KLF12: variants seen among roughly 807,000 people sequenced by gnomAD.
The protein encoded by KLF12 is KLF transcription factor 12, also known as Krueppel-like factor 12.
KLF12 carries 9 observed loss-of-function variants against 37.8 expected under a neutral mutation model. That is an observed-to-expected ratio of 0.24 (90% CI 0.14 to 0.42). The LOEUF is 0.42. Among genes scored for constraint, KLF12 ranks in the 10% least tolerant of loss-of-function variants. The probability of loss-of-function intolerance (pLI) is 1.00; values close to 1 mark genes in which losing one functional copy is unlikely to be tolerated. For synonymous variants in KLF12, 208 were observed against 202.1 expected, an observed-to-expected ratio of 1.03 and a Z score of -0.25; for missense variants, 411 against 516.0, an observed-to-expected ratio of 0.80 and a Z score of 1.97.
At chr13:74,116,397 G>C (rs1292330348) in intron 1 of KLF12, among the ~76,000 whole-genome samples, 1 of 152,192 alleles carries the variant, frequency 6.6e-6, no homozygotes, top group African/African-American at 2.4e-5. Flanking sequence ...ACGTGGCCAT[G>C]AACATTTTAC....
rs117813261 is a variant in KLF12 at position 73,754,273 on chromosome 13, T to C, written c.869+10665A>G. On this transcript the variant is annotated intron_variant, in intron 6 of 7. Transcript: ENST00000377669. ...TTTTTTAAAATGTTAGGGCTACATC[T>C]AATCAATTCCTAACACTCAAAATGA... 2.4e-3 allele frequency among the ~76,000 whole-genome samples: 362 copies of C among 152,290 alleles called. 1 individual carries two copies. The highest frequency in any genetic ancestry group is 4.0e-3 in the Non-Finnish European group (270 of 68,016).
rs529151380 is a variant in KLF12, at chr13:73,826,016, A to C, written c.671-12729T>G. Among the ~76,000 whole-genome samples the C allele has an allele frequency of 2.5e-4, 38 of 151,818 alleles. No homozygotes were observed. The South Asian group carries it at 7.7e-3, about 31-fold the overall frequency. ...GAGATGGAGTCTCGCTCTGTTGCCCAGGCTGGAGTGCATTGGGACGATCTC... is the reference window on the plus strand; with the variant it reads ...GAGATGGAGTCTCGCTCTGTTGCCCCGGCTGGAGTGCATTGGGACGATCTC... On this transcript the variant is annotated intron_variant, in intron 4 of 7. Transcript: ENST00000377669.
chr13:74,036,387 A>G (rs1366046608), intron 1 of KLF12, among the ~76,000 whole-genome samples: 2 of 152,192 alleles, frequency 1.3e-5, no homozygotes, highest in African/African-American at 4.8e-5. Flanking sequence ...GTACCAAAAA[A>G]ATGAAAAACA....
At chr13:73,892,839 T>G (rs1887575963) in intron 3 of KLF12, among the ~76,000 whole-genome samples, 1 of 152,204 alleles carries the variant, frequency 6.6e-6, no homozygotes, top group South Asian at 2.1e-4. Context: ...TTTGCTTATA[T>G]TTGTGGGAAT....
At chr13:74,181,711 A>C in the KLF12 span, among the ~76,000 whole-genome samples, 1,520 of 138,460 alleles carry the variant, frequency 0.011, 28 homozygotes, top group African/African-American at 0.047. Context: ...GAAAAAAAAA[A>C]CAAAAAAAAA....
At chr13:74,265,061 T>C in the KLF12 span, among the ~76,000 whole-genome samples, 1 of 152,372 alleles carries the variant, frequency 6.6e-6, no homozygotes, top group Non-Finnish European at 1.5e-5. Flanking sequence ...GAATCTCATC[T>C]ACTTCCTAAC....
intron 2 of KLF12, among the ~76,000 whole-genome samples, chr13:73,966,464 T>C (rs757863657): frequency 2.6e-5 from 4 of 152,190 alleles, no homozygotes; most frequent in South Asian, 2.1e-4. Flanking sequence ...ACAAGTGTGA[T>C]TGTGAGGCCC....
chr13:73,990,875 T>C (rs1891950845), intron 2 of KLF12, among the ~76,000 whole-genome samples: 1 of 152,166 alleles, frequency 6.6e-6, no homozygotes, highest in South Asian at 2.1e-4. Context: ...TAAAAAACCG[T>C]TTCTAATTAT....
chr13:74,291,607 G>A, the KLF12 span, among the ~76,000 whole-genome samples: 5 of 152,172 alleles, frequency 3.3e-5, no homozygotes, highest in Non-Finnish European at 7.3e-5. Flanking sequence ...AGAAGGGCAG[G>A]GCATTAAAGG....
intron 7 of KLF12, among the ~76,000 whole-genome samples, chr13:73,696,549 T>C (rs1874166546): frequency 6.6e-6 from 1 of 152,182 alleles, no homozygotes; most frequent in Non-Finnish European, 1.5e-5. Flanking sequence ...ATGGGAGGCT[T>C]GTCCCCATGC....
intron 3 of KLF12, among the ~76,000 whole-genome samples, chr13:73,881,723 C>CAT (rs1886992081): frequency 6.6e-6 from 1 of 152,072 alleles, no homozygotes; most frequent in African/African-American, 2.4e-5. Context: ...CCGCTGTATG[C>CAT]AAAGCCTAAT....
At chr13:73,990,851 T>C (rs540392149) in intron 2 of KLF12, among the ~76,000 whole-genome samples, 2 of 152,302 alleles carry the variant, frequency 1.3e-5, no homozygotes, top group South Asian at 2.1e-4. Context: ...AAGGTATAAA[T>C]ATGATCTTAT....
At chr13:74,301,886 G>A in the KLF12 span, among the ~76,000 whole-genome samples, 4 of 152,084 alleles carry the variant, frequency 2.6e-5, no homozygotes, top group East Asian at 1.9e-4. Flanking sequence ...TTAAATGACC[G>A]CCCAGCACCC....
the KLF12 span, among the ~76,000 whole-genome samples, chr13:74,197,870 A>G: frequency 6.6e-5 from 10 of 152,052 alleles, no homozygotes. Context: ...CTCCAGGAGG[A>G]GGGTGGATAC....
chr13:74,161,194 C>A, the KLF12 span, among the ~76,000 whole-genome samples: 1,193 of 151,764 alleles, frequency 7.9e-3, 10 homozygotes, highest in African/African-American at 0.026. Context: ...TTGATCTGTG[C>A]TGAGTCATAT....
At chr13:74,158,817 G>A in the KLF12 span, among the ~76,000 whole-genome samples, 22 of 152,172 alleles carry the variant, frequency 1.4e-4, no homozygotes, top group Admixed American at 7.2e-4. Context: ...TAGGTCGTTT[G>A]CAATGAGTGT....
chr13:74,280,825 C>CTTTTTTTTTTTT, the KLF12 span, among the ~76,000 whole-genome samples: 2 of 110,562 alleles, frequency 1.8e-5, no homozygotes, highest in African/African-American at 3.2e-5. Flanking sequence ...TTTCTTTTTT[C>CTTTTTTTTTTTT]TTTTTTTTTT....
chr13:73,887,087 C>G (rs907073851), intron 3 of KLF12, among the ~76,000 whole-genome samples: 3 of 151,958 alleles, frequency 2.0e-5, no homozygotes, highest in Non-Finnish European at 4.4e-5. Context: ...ATCTTGCACA[C>G]TCATATGGTT....
chr13:73,943,228 G>A (rs556297159), intron 3 of KLF12, among the ~76,000 whole-genome samples: 1 of 152,218 alleles, frequency 6.6e-6, no homozygotes, highest in South Asian at 2.1e-4. Flanking sequence ...CCTCAGTGGT[G>A]GTGGTTTAAT....
Sources: gnomAD v4.1 joint callset for allele counts (sites outside exome capture counted in the v4.1 genomes callset) on GRCh38, gnomAD v4.1.1 for gene constraint, MANE v1.5 for transcripts, NCBI Gene and HGNC (gene_info 2026-07-23, HGNC 2026-07-21) for gene names.